FOCAD: variants seen among roughly 807,000 people sequenced by gnomAD.
FOCAD encodes the protein focadhesin.
In FOCAD, 198 loss-of-function variants were observed where a neutral mutation model predicts 225.6. The observed-to-expected ratio is 0.88, with a 90% CI of 0.78 to 0.99. The LOEUF (loss-of-function observed/expected upper bound fraction) is 0.99, where lower values mean the gene tolerates loss of function less well. FOCAD is among the 50% of genes least tolerant of loss of function. The pLI is 0.00. For synonymous variants in FOCAD, 897 were observed against 755.0 expected, an observed-to-expected ratio of 1.19 and a Z score of -3.08; for missense variants, 2,713 against 2,123.6, an observed-to-expected ratio of 1.28 and a Z score of -5.46.
intron 11 of FOCAD, among the ~76,000 whole-genome samples, chr9:20,807,988 T>A (rs1302104101): frequency 6.6e-6 from 1 of 151,808 alleles, no homozygotes; most frequent in Non-Finnish European, 1.5e-5. Flanking sequence ...GAGGCCAAGG[T>A]TGTAGTGAAC....
At chr9:20,836,783 T>C (rs1290211940) in intron 15 of FOCAD, among the ~76,000 whole-genome samples, 2 of 152,034 alleles carry the variant, frequency 1.3e-5, no homozygotes, top group Non-Finnish European at 2.9e-5. Context: ...TTTAATAGAA[T>C]ACCATTCAGT....
At chr9:20,938,592 G>A (rs1173752596) in intron 28 of FOCAD, among the ~76,000 whole-genome samples, 1 of 151,808 alleles carries the variant, frequency 6.6e-6, no homozygotes, top group South Asian at 2.1e-4. Flanking sequence ...GGTGGGGGGA[G>A]TGGGGAGGGA....
At chr9:20,863,278 A>G (rs1042036224) in intron 16 of FOCAD, 5 of 149,832 alleles carry the variant, frequency 3.3e-5, no homozygotes, top group African/African-American at 1.2e-4. Context: ...CATGCTTACC[A>G]TTTTTCCTTT....
chr9:20,666,627 G>A, intron 2 of FOCAD, among the ~76,000 whole-genome samples: 1 of 152,090 alleles, frequency 6.6e-6, no homozygotes. Flanking sequence ...TTATGATTTG[G>A]AATGAAGTTT....
intron 35 of FOCAD, among the ~76,000 whole-genome samples, chr9:20,966,401 A>G (rs764740487): frequency 2.7e-4 from 41 of 152,072 alleles, no homozygotes; most frequent in Non-Finnish European, 5.3e-4. Flanking sequence ...TTGAGTCGTA[A>G]GAGTTCTTTG....
At chr9:20,684,637 G>C (rs977235443) in intron 1 of FOCAD, 1 of 152,448 alleles carries the variant, frequency 6.6e-6, no homozygotes, top group Non-Finnish European at 1.5e-5. Flanking sequence ...CGGTCGGCGC[G>C]ATCCTTGCAT....
intron 27 of FOCAD, among the ~76,000 whole-genome samples, chr9:20,929,940 G>A (rs1278727763): frequency 6.6e-6 from 1 of 152,160 alleles, no homozygotes; most frequent in Non-Finnish European, 1.5e-5. Flanking sequence ...TTTCTGGTTT[G>A]TATGGGATGA....
At chr9:20,942,998 A>G (rs1414934970) in intron 28 of FOCAD, among the ~76,000 whole-genome samples, 2 of 152,234 alleles carry the variant, frequency 1.3e-5, no homozygotes, top group South Asian at 2.1e-4. Context: ...GTGTCTAAGT[A>G]TTAATCAAAT....
intron 35 of FOCAD, among the ~76,000 whole-genome samples, chr9:20,965,523 A>G (rs1312148798): frequency 2.6e-5 from 4 of 152,080 alleles, no homozygotes; most frequent in Non-Finnish European, 4.4e-5. Flanking sequence ...TAAGCTTCTT[A>G]TGCTTTTTTT....
chr9:20,852,712 T>G (rs1827791653), intron 15 of FOCAD, among the ~76,000 whole-genome samples: 1 of 151,838 alleles, frequency 6.6e-6, no homozygotes, highest in African/African-American at 2.4e-5. Context: ...CACAGCATAT[T>G]GATTCTTAAA....
At chr9:20,691,981 G>A (rs996055968) in intron 1 of FOCAD, among the ~76,000 whole-genome samples, 1 of 151,712 alleles carries the variant, frequency 6.6e-6, no homozygotes, top group Admixed American at 6.6e-5. Flanking sequence ...GGCTGATCTC[G>A]AAAAATGATC....
At chr9:20,728,140 TA>T (rs201701163) in intron 4 of FOCAD, among the ~76,000 whole-genome samples, 2 of 151,976 alleles carry the variant, frequency 1.3e-5, no homozygotes, top group Non-Finnish European at 2.9e-5. Flanking sequence ...GACTAAAAAT[TA>T]AAAAAAAATT....
At position 20,946,700 on chromosome 9, in the gene FOCAD, G is replaced by C; in HGVS notation, c.3556-1G>C. ...ATTTTTCTGCTGTATTTTCTTCTCAGGTCCTTGCCTACACACTTAGCTGTG... is the reference window on the plus strand; with the variant it reads ...ATTTTTCTGCTGTATTTTCTTCTCACGTCCTTGCCTACACACTTAGCTGTG... On this transcript the variant is annotated splice_acceptor_variant, in intron 29 of 43. Coordinates refer to ENST00000338382, the MANE Select transcript of FOCAD (RefSeq NM_001375567.1). LOFTEE classifies it high-confidence loss of function. 6.2e-7 allele frequency: 1 copy of C among 1,608,326 alleles called. No individual in the cohort carries two copies.
chr9:20,691,355 C>T (rs1822964914), intron 1 of FOCAD, among the ~76,000 whole-genome samples: 1 of 152,186 alleles, frequency 6.6e-6, no homozygotes, highest in Non-Finnish European at 1.5e-5. Context: ...TCTTCCTTAT[C>T]TCCCTGATAA....
chr9:20,784,760 T>A (rs1278444200), intron 10 of FOCAD, among the ~76,000 whole-genome samples: 1 of 152,208 alleles, frequency 6.6e-6, no homozygotes, highest in African/African-American at 2.4e-5. Flanking sequence ...TAGTATATAG[T>A]AAGCAGAATA....
chr9:20,874,426 A>G, intron 18 of FOCAD: 1 of 332,722 alleles, frequency 3.0e-6, no homozygotes, highest in South Asian at 5.5e-5. Context: ...ACTGGCTTAC[A>G]GTGATTTACT....
At chr9:20,810,679 T>A (rs1379741211) in intron 11 of FOCAD, among the ~76,000 whole-genome samples, 1 of 152,102 alleles carries the variant, frequency 6.6e-6, no homozygotes, top group South Asian at 2.1e-4. Flanking sequence ...ACATCATGAT[T>A]TAAGTTTTTC....
chr9:20,856,433 A>G (rs995887973), intron 15 of FOCAD, among the ~76,000 whole-genome samples: 1 of 151,622 alleles, frequency 6.6e-6, no homozygotes. Context: ...TTTTGAGTGG[A>G]TTGTTAGATT....
Position 20,881,956 on chromosome 9 carries a change from T to C in FOCAD, c.2403T>C (p.Gly801=). 3 of 1,613,788 alleles carry C rather than the reference T, an allele frequency of 1.9e-6. No homozygotes were observed. The highest frequency in any genetic ancestry group is 2.5e-6 in the Non-Finnish European group (3 of 1,179,868). ...TATATCACTCTGCATTAAAAGGAGG[T>C]GCCCGCTCAGACCAAGGAAAGACTG... ...RGIYHSALKG[G]ARSDQGKTVA... The change falls in exon 20 of 44, where the codon GGT becomes GGC. Residue 801 remains glycine, a synonymous_variant. Coordinates refer to ENST00000338382, the MANE Select transcript of FOCAD (RefSeq NM_001375567.1).
Sources: gnomAD v4.1 joint callset for allele counts (sites outside exome capture counted in the v4.1 genomes callset) on GRCh38, gnomAD v4.1.1 for gene constraint, MANE v1.5 for transcripts, NCBI Gene and HGNC (gene_info 2026-07-23, HGNC 2026-07-21) for gene names.